The following ACTR3C variants were observed in gnomAD, a reference collection of about 807,000 sequenced individuals.
ACTR3C encodes actin related protein 3C.
Under a neutral mutation model 26.3 loss-of-function variants are expected in ACTR3C, and 18 were observed. That is an observed-to-expected ratio of 0.68 (90% CI 0.47 to 1.01). ACTR3C has a LOEUF of 1.01. ACTR3C is among the 50% of genes least tolerant of loss of function. ACTR3C has a pLI of 0.00. For missense variants in ACTR3C, 184 were observed against 250.7 expected, an observed-to-expected ratio of 0.73 and a Z score of 1.80; for synonymous variants, 55 against 94.5, an observed-to-expected ratio of 0.58 and a Z score of 2.42.
intron 5 of ACTR3C, among the ~76,000 whole-genome samples, chr7:150,285,422 A>T (rs1253805502): frequency 6.6e-6 from 1 of 152,242 alleles, no homozygotes; most frequent in Non-Finnish European, 1.5e-5. Flanking sequence ...AACGAATTCA[A>T]CTCAATTACA....
chr7:150,037,574 CG>C, the ACTR3C span, among the ~76,000 whole-genome samples: 1,133 of 20,122 alleles, frequency 0.056, 322 homozygotes, highest in East Asian at 0.22. Context: ...CCTAAGAACC[CG>C]GGGGGGAAGA....
the ACTR3C span, among the ~76,000 whole-genome samples, chr7:150,023,910 G>A: frequency 0.38 from 34,441 of 91,460 alleles, 6,825 homozygotes; most frequent in Non-Finnish European, 0.46. Context: ...AACAGGAGCC[G>A]GAGCCATGGA....
At chr7:150,277,361 C>T (rs1834966588) in intron 6 of ACTR3C, among the ~76,000 whole-genome samples, 1 of 152,130 alleles carries the variant, frequency 6.6e-6, no homozygotes, top group South Asian at 2.1e-4. Context: ...TTCTAAAGAG[C>T]CCTGACTAAC....
At chr7:150,069,943 C>T in the ACTR3C span, among the ~76,000 whole-genome samples, 1 of 152,016 alleles carries the variant, frequency 6.6e-6, no homozygotes, top group Non-Finnish European at 1.5e-5. Flanking sequence ...GCTGAATCTC[C>T]CAGCAATTCA....
the ACTR3C span, among the ~76,000 whole-genome samples, chr7:150,139,451 T>A: frequency 6.6e-6 from 1 of 152,282 alleles, no homozygotes; most frequent in African/African-American, 2.4e-5. Context: ...GCTTGTGGAT[T>A]CCTGCCACAG....
chr7:150,242,315 T>A (rs929520953), downstream of ACTR3C, among the ~76,000 whole-genome samples: 2 of 150,498 alleles, frequency 1.3e-5, no homozygotes, highest in Non-Finnish European at 1.5e-5. Context: ...ACCACTGTAT[T>A]GTTCCATTTG....
intron 6 of ACTR3C, among the ~76,000 whole-genome samples, chr7:150,275,416 C>A (rs568111638): frequency 5.6e-4 from 85 of 152,328 alleles, no homozygotes; most frequent in African/African-American, 2.0e-3. Flanking sequence ...GAAGTAATAA[C>A]ATAAACAGCG....
the ACTR3C span, among the ~76,000 whole-genome samples, chr7:150,086,023 C>A: frequency 1.3e-5 from 2 of 151,450 alleles, no homozygotes; most frequent in African/African-American, 4.9e-5. Context: ...GTCACCCAGG[C>A]TGGAGTACAG....
the ACTR3C span, among the ~76,000 whole-genome samples, chr7:150,149,882 T>C: frequency 6.6e-6 from 1 of 152,264 alleles, no homozygotes; most frequent in Non-Finnish European, 1.5e-5. Context: ...TTTACATCTT[T>C]AATTCATGTG....
chr7:150,016,416 C>G, the ACTR3C span, among the ~76,000 whole-genome samples: 1 of 152,028 alleles, frequency 6.6e-6, no homozygotes, highest in Non-Finnish European at 1.5e-5. Context: ...AGCATCCAGG[C>G]ACACCCAAGG....
At chr7:150,042,399 CG>C in the ACTR3C span, among the ~76,000 whole-genome samples, 1 of 131,182 alleles carries the variant, frequency 7.6e-6, no homozygotes, top group Non-Finnish European at 1.6e-5. Flanking sequence ...AAGAGGGGCT[CG>C]CTCTCAGTCC....
At chr7:150,243,543 C>T (rs1449806431), downstream of ACTR3C, among the ~76,000 whole-genome samples, 4 of 151,900 alleles carry the variant, frequency 2.6e-5, no homozygotes, top group Non-Finnish European at 5.9e-5. Context: ...TGTGTATATA[C>T]CATTGTCCCT....
At chr7:150,036,097 G>C in the ACTR3C span, among the ~76,000 whole-genome samples, 59 of 141,826 alleles carry the variant, frequency 4.2e-4, 4 homozygotes, top group African/African-American at 1.4e-3. Flanking sequence ...CCCTGCGATG[G>C]GGGTGCAAAG....
the ACTR3C span, among the ~76,000 whole-genome samples, chr7:150,230,635 G>A: frequency 9.2e-5 from 14 of 152,228 alleles, no homozygotes; most frequent in Admixed American, 9.2e-4. Flanking sequence ...GATGATCTGA[G>A]GTGGAAGAGT....
At chr7:150,290,554 AG>A (rs1836169237) in intron 3 of ACTR3C, among the ~76,000 whole-genome samples, 1 of 152,120 alleles carries the variant, frequency 6.6e-6, no homozygotes, top group Non-Finnish European at 1.5e-5. Context: ...ATGAGACAGA[AG>A]GGAACAGAAG....
At chr7:150,218,950 T>C in the ACTR3C span, among the ~76,000 whole-genome samples, 913 of 151,700 alleles carry the variant, frequency 6.0e-3, 10 homozygotes, top group African/African-American at 0.021. Flanking sequence ...GTGAAACATA[T>C]AACTACTCAA....
chr7:149,993,282 A>G, the ACTR3C span, among the ~76,000 whole-genome samples: 4 of 151,640 alleles, frequency 2.6e-5, no homozygotes, highest in African/African-American at 9.7e-5. Context: ...ACTAACATTC[A>G]CCATCACGGC....
In ACTR3C at chr7:150,274,179, G is replaced by A. The variant is rs1023820280; in HGVS notation, c.564+10574C>T. ...GGAAAAAGCGCCGAGGTGCAGTCTA[G>A]AGCAGGGTGGTCAGGACGCCTCACT... On this transcript the variant is annotated intron_variant, in intron 6 of 7. Coordinates refer to ENST00000683684, the MANE Select transcript of ACTR3C (RefSeq NM_001164458.2). This position sits in a 1 kb window ranked among gnomAD's most constrained non-coding sequence, Gnocchi z 4.1. Among the ~76,000 whole-genome samples the A allele has an allele frequency of 1.3e-5, 2 of 152,166 alleles. No individual in the cohort carries two copies. Among genetic ancestry groups the A allele is most frequent in the Admixed American group, 1.3e-4 (2 of 15,276 alleles).
the ACTR3C span, among the ~76,000 whole-genome samples, chr7:150,045,423 T>C: frequency 6.6e-6 from 1 of 152,268 alleles, no homozygotes; most frequent in Non-Finnish European, 1.5e-5. Context: ...TTAAAGGACA[T>C]ATGTGCAATG....
Sources: allele counts gnomAD v4.1 joint callset (sites outside exome capture counted in the v4.1 genomes callset), GRCh38; gene constraint gnomAD v4.1.1; non-coding constraint Gnocchi (gnomAD v3.1); transcripts MANE v1.5; gene names NCBI Gene and HGNC (gene_info 2026-07-23, HGNC 2026-07-21).